ACSF2: variants seen among roughly 807,000 people sequenced by gnomAD.
The protein encoded by ACSF2 is medium-chain acyl-CoA ligase ACSF2, mitochondrial.
Under a neutral mutation model 79.3 loss-of-function variants are expected in ACSF2, and 52 were observed. The ratio of observed to expected loss-of-function variants is 0.66; its 90% CI spans 0.53 to 0.83. The LOEUF (loss-of-function observed/expected upper bound fraction) is 0.83, where lower values mean the gene tolerates loss of function less well. ACSF2 is among the 40% of genes least tolerant of loss of function. ACSF2 has a pLI of 0.00. For missense variants in ACSF2, 661 were observed against 803.3 expected, an observed-to-expected ratio of 0.82 and a Z score of 2.14; for synonymous variants, 283 against 312.6, an observed-to-expected ratio of 0.91 and a Z score of 1.00.
At chr17:50,427,073 C>A (rs2143442233) in intron 1 of ACSF2, 2 of 1,330,608 alleles carry the variant, frequency 1.5e-6, no homozygotes, top group Non-Finnish European at 2.1e-6. Flanking sequence ...GAGCAGGCTG[C>A]CACTCATGTT....
At chr17:50,448,679 A>G (rs182929197) in intron 1 of ACSF2, among the ~76,000 whole-genome samples, 12 of 152,346 alleles carry the variant, frequency 7.9e-5, no homozygotes, top group African/African-American at 2.9e-4. Flanking sequence ...TCTTGAAACA[A>G]TTATCCTCGG....
chr17:50,462,559 G>A lies in ACSF2; in HGVS notation c.766G>A (p.Asp256Asn), dbSNP rs756817776. ...CAACCAGCAGTTCCTGTCCTGCCATGACCCCATCAACATCCAGTTCACCTC... is the reference window on the plus strand; with the variant it reads ...CAACCAGCAGTTCCTGTCCTGCCATAACCCCATCAACATCCAGTTCACCTC... ...QYNQQFLSCH[D>N]PINIQFTSGT... Residue 256 changes from aspartate (D) to asparagine (N), a missense_variant, in exon 6 of 16, where the codon GAC (aspartate) becomes AAC (asparagine). Asp to Asn is a conservative substitution (Grantham distance 23). Transcript: ENST00000300441. 2.5e-6 allele frequency: 4 copies of A among 1,613,716 alleles called. No homozygotes were observed. The highest frequency in any genetic ancestry group is 3.4e-6 in the Non-Finnish European group (4 of 1,179,936).
intron 2 of ACSF2, 100 bp downstream of exon 2, chr17:50,460,972 T>C: frequency 7.2e-7 from 1 of 1,380,818 alleles, no homozygotes; most frequent in Non-Finnish European, 9.8e-7. Flanking sequence ...TATGGGGCAA[T>C]GTGCTAGGGC....
chr17:50,461,496 C>A, intron 3 of ACSF2, 126 bp downstream of exon 3: 1 of 1,584,880 alleles, frequency 6.3e-7, no homozygotes, highest in Non-Finnish European at 8.6e-7. Flanking sequence ...GTAGTGCTTT[C>A]TCCTGAGGCC....
Position 50,473,645 on chromosome 17 carries a change from C to A in ACSF2, c.1476-20C>A, listed in dbSNP as rs752437580. Reference sequence around the variant, plus strand: ...TGAACAAGGCAGAGATGACAGGTTGCCCCTGGGCTTTCCTTACAGAGATGT... The same window carrying A: ...TGAACAAGGCAGAGATGACAGGTTGACCCTGGGCTTTCCTTACAGAGATGT... On this transcript the variant is annotated intron_variant, in intron 12 of 15. Coordinates refer to ENST00000300441, the MANE Select transcript of ACSF2 (RefSeq NM_025149.6). 8 of 1,614,086 alleles carry A rather than the reference C, an allele frequency of 5.0e-6. No individual in the cohort carries two copies. The highest frequency in any genetic ancestry group is 6.8e-6 in the Non-Finnish European group (8 of 1,179,994).
At chr17:50,468,857 G>A in intron 10 of ACSF2, 3 of 1,449,918 alleles carry the variant, frequency 2.1e-6, no homozygotes, top group Non-Finnish European at 2.7e-6. Flanking sequence ...CAGCGGCGGC[G>A]GGGCGCGGGC....
At chr17:50,431,410 A>G (rs1329881752) in intron 1 of ACSF2, among the ~76,000 whole-genome samples, 4 of 152,214 alleles carry the variant, frequency 2.6e-5, no homozygotes, top group Non-Finnish European at 5.9e-5. Context: ...TCAAAGCAGG[A>G]GGAATCTGGT....
intron 4 of ACSF2, among the ~76,000 whole-genome samples, chr17:50,461,951 T>TGTGTGTGTGTGTGC (rs112810352): frequency 3.1e-4 from 46 of 150,478 alleles, no homozygotes; most frequent in African/African-American, 1.0e-3. Context: ...TGTGTGTGTG[T>TGTGTGTGTGTGTGC]GCGTGTGTCC....
chr17:50,464,772 G>GGGC (rs1555611942), intron 10 of ACSF2: 12 of 329,954 alleles, frequency 3.6e-5, no homozygotes, highest in Non-Finnish European at 7.1e-5. Context: ...ATTGACTTGG[G>GGGC]GGGGGGGTCT....
chr17:50,465,269 G>T, intron 10 of ACSF2: 3 of 1,613,794 alleles, frequency 1.9e-6, no homozygotes, highest in South Asian at 2.2e-5. Flanking sequence ...GAGGGACATA[G>T]GGGACCTGTT....
At chr17:50,445,854 C>G (rs564189712) in intron 1 of ACSF2, among the ~76,000 whole-genome samples, 261 of 152,026 alleles carry the variant, frequency 1.7e-3, no homozygotes, top group South Asian at 6.0e-3. Flanking sequence ...CTTGCTGGAG[C>G]CTTGCATTCA....
intron 1 of ACSF2, among the ~76,000 whole-genome samples, chr17:50,433,135 T>A (rs1288685067): frequency 1.4e-5 from 2 of 145,118 alleles, no homozygotes; most frequent in East Asian, 4.0e-4. Flanking sequence ...TGAGACGGAG[T>A]CTCGCACTAT....
At chr17:50,473,558 G>C (rs979123719) in intron 12 of ACSF2, 107 bp from the exon 13 acceptor site, 1 of 1,472,938 alleles carries the variant, frequency 6.8e-7, no homozygotes, top group Admixed American at 1.7e-5. Flanking sequence ...CCAGAGTCTA[G>C]AGCAGTGGAA....
chr17:50,472,339 G>A, intron 11 of ACSF2, 89 bp from the exon 12 acceptor site: 1 of 1,489,566 alleles, frequency 6.7e-7, no homozygotes, highest in Non-Finnish European at 8.9e-7. Context: ...TGGGGGGTTG[G>A]GGGCAGGCAA....
At chr17:50,437,213 C>T (rs2030502193) in intron 1 of ACSF2, among the ~76,000 whole-genome samples, 1 of 152,216 alleles carries the variant, frequency 6.6e-6, no homozygotes, top group Non-Finnish European at 1.5e-5. Flanking sequence ...GAGAGCCTGC[C>T]TTTCGACTGC....
Position 50,461,622 on chromosome 17 carries a change from G to A in ACSF2, c.454-11G>A, listed in dbSNP as rs377314233. 3.9e-5 allele frequency: 63 copies of A among 1,614,102 alleles called. No individual in the cohort carries two copies. The African/African-American group carries it at 5.3e-4, about 14-fold the overall frequency. On this transcript the variant is annotated splice_polypyrimidine_tract_variant and intron_variant, in intron 3 of 15. Coordinates refer to ENST00000300441, the MANE Select transcript of ACSF2 (RefSeq NM_025149.6). ...CCCAGAATACTGATATGCCCTCGCC[G>A]CTTCCACCAGGTGTCTGTGAACCCA...
chr17:50,434,854 T>C (rs970870125), intron 1 of ACSF2, among the ~76,000 whole-genome samples: 4 of 151,660 alleles, frequency 2.6e-5, no homozygotes, highest in Non-Finnish European at 5.9e-5. Flanking sequence ...TACAGTAAAC[T>C]GCACAGATCT....
At chr17:50,439,832 G>A (rs1314377593) in intron 1 of ACSF2, among the ~76,000 whole-genome samples, 1 of 152,162 alleles carries the variant, frequency 6.6e-6, no homozygotes, top group Admixed American at 6.6e-5. Context: ...CCGCTCTGGT[G>A]GGGGTGAAAG....
intron 1 of ACSF2, among the ~76,000 whole-genome samples, chr17:50,444,954 G>A (rs2031200966): frequency 6.6e-6 from 1 of 151,974 alleles, no homozygotes; most frequent in African/African-American, 2.4e-5. Flanking sequence ...TCACTCTGTT[G>A]CCCAGGCTGG....
Sources: allele counts gnomAD v4.1 joint callset (sites outside exome capture counted in the v4.1 genomes callset), GRCh38; gene constraint gnomAD v4.1.1; transcripts MANE v1.5; gene names NCBI Gene and HGNC (gene_info 2026-07-23, HGNC 2026-07-21).